MAN1A1: variants seen among roughly 807,000 people sequenced by gnomAD.
MAN1A1 encodes the protein mannosyl-oligosaccharide 1,2-alpha-mannosidase IA.
In MAN1A1, 29 loss-of-function variants were observed where a neutral mutation model predicts 70.8. That is an observed-to-expected ratio of 0.41 (90% CI 0.31 to 0.56). The LOEUF is 0.56. Among genes scored for constraint, MAN1A1 ranks in the 20% least tolerant of loss-of-function variants. MAN1A1 has a pLI of 0.29. For missense variants in MAN1A1, 747 were observed against 841.3 expected (o/e 0.89, Z 1.39); for synonymous variants, 349 against 330.1 (o/e 1.06, Z -0.62).
intron 2 of MAN1A1, among the ~76,000 whole-genome samples, chr6:119,324,992 T>G (rs1773108147): frequency 6.6e-6 from 1 of 152,154 alleles, no homozygotes; most frequent in Non-Finnish European, 1.5e-5. Flanking sequence ...CACTGGCAAA[T>G]GTACCCTGGG....
chr6:119,189,963 A>G lies in MAN1A1; in HGVS notation c.1327-80T>C, dbSNP rs950676911. On this transcript the variant is annotated intron_variant, in intron 9 of 12. Coordinates refer to ENST00000368468, the MANE Select transcript of MAN1A1 (RefSeq NM_005907.4). The stretch of plus-strand genomic sequence containing the variant: ...AAAAATATGCCCAACATTAAAAAAA[A>G]AAGAATAGAATACACCTGACAATCA... The G allele has an allele frequency of 8.3e-6, 9 of 1,087,118 alleles. No individual in the cohort carries two copies. In the Admixed American group the frequency reaches 1.2e-4, roughly 14 times the overall value. 67.3% of individuals were successfully genotyped at this position (1,087,118 alleles called of 1,614,324 possible).
intron 5 of MAN1A1, among the ~76,000 whole-genome samples, chr6:119,266,141 TAGATAGA>T (rs1388156339): frequency 2.0e-5 from 3 of 152,188 alleles, no homozygotes; most frequent in Non-Finnish European, 4.4e-5. Flanking sequence ...TCCATGTTTA[TAGATAGA>T]AGATTGAATA....
At chr6:119,241,930 A>G (rs13206799) in intron 6 of MAN1A1, among the ~76,000 whole-genome samples, 6 of 137,456 alleles carry the variant, frequency 4.4e-5, no homozygotes, top group African/African-American at 8.6e-5. Context: ...GTGTTTGTGT[A>G]TGTGTGTGTG....
At chr6:119,341,534 T>C (rs1454982249) in intron 2 of MAN1A1, among the ~76,000 whole-genome samples, 1 of 152,186 alleles carries the variant, frequency 6.6e-6, no homozygotes. Flanking sequence ...TTATTTCTCA[T>C]GTGTAAAATG....
At chr6:119,232,584 T>C (rs1008509108) in intron 6 of MAN1A1, among the ~76,000 whole-genome samples, 1 of 152,086 alleles carries the variant, frequency 6.6e-6, no homozygotes, top group East Asian at 1.9e-4. Flanking sequence ...TTCCAAACTA[T>C]TTCAAAAGGA....
intron 3 of MAN1A1, among the ~76,000 whole-genome samples, chr6:119,302,530 T>C (rs375944497): frequency 5.3e-5 from 8 of 152,004 alleles, no homozygotes; most frequent in African/African-American, 1.7e-4. Flanking sequence ...TATAGGCGCA[T>C]GCCACCACGC....
At chr6:119,243,382 T>G (rs1379941018) in intron 6 of MAN1A1, among the ~76,000 whole-genome samples, 7 of 152,022 alleles carry the variant, frequency 4.6e-5, no homozygotes, top group South Asian at 2.1e-4. Flanking sequence ...GTTAGCAAAT[T>G]TAATAATGCA....
At chr6:119,270,950 G>C (rs915816093) in intron 5 of MAN1A1, among the ~76,000 whole-genome samples, 1 of 152,094 alleles carries the variant, frequency 6.6e-6, no homozygotes, top group Admixed American at 6.5e-5. Flanking sequence ...TTCCTTGAAC[G>C]ACTTCTCTAC....
intron 6 of MAN1A1, among the ~76,000 whole-genome samples, chr6:119,240,805 T>C (rs1486595914): frequency 6.6e-6 from 1 of 152,232 alleles, no homozygotes; most frequent in Non-Finnish European, 1.5e-5. Context: ...CCACTTGCAA[T>C]AAATAAATGT....
At chr6:119,208,748 T>C (rs921320365) in intron 6 of MAN1A1, among the ~76,000 whole-genome samples, 2 of 152,164 alleles carry the variant, frequency 1.3e-5, no homozygotes, top group Admixed American at 6.5e-5. Flanking sequence ...AGTTGGAGGA[T>C]TGCTCTGGAT....
In MAN1A1 at chr6:119,339,894, T is replaced by G. The variant is rs568492281; in HGVS notation, c.603+8569A>C. Among the ~76,000 whole-genome samples the G allele has an allele frequency of 1.1e-4, 17 of 152,206 alleles. No homozygotes were observed. In the South Asian group the frequency reaches 3.3e-3, roughly 30 times the overall value. On this transcript the variant is annotated intron_variant, in intron 2 of 12. Coordinates refer to ENST00000368468, the MANE Select transcript of MAN1A1 (RefSeq NM_005907.4). ...TCACTTGAGATCAGGAATTTGAGAC[T>G]AGCCTGGCCAATGTGGGGAAACCTT... is the stretch of plus-strand genomic sequence containing the variant.
intron 5 of MAN1A1, among the ~76,000 whole-genome samples, chr6:119,249,483 A>G (rs1775260404): frequency 6.6e-6 from 1 of 152,150 alleles, no homozygotes; most frequent in Admixed American, 6.5e-5. Context: ...CCTCTCCTTT[A>G]AGCCGTATGA....
intron 6 of MAN1A1, among the ~76,000 whole-genome samples, chr6:119,239,094 G>C (rs1384530467): frequency 6.6e-6 from 1 of 151,942 alleles, no homozygotes; most frequent in Non-Finnish European, 1.5e-5. Flanking sequence ...GTTTCACCGT[G>C]GTCTCGATCT....
chr6:119,277,762 C>T (rs1776110103), intron 5 of MAN1A1, among the ~76,000 whole-genome samples: 1 of 151,430 alleles, frequency 6.6e-6, no homozygotes, highest in Non-Finnish European at 1.5e-5. Flanking sequence ...CGGGGAAAAC[C>T]CGTCTCTACT....
chr6:119,334,449 C>A (rs1036163975), intron 2 of MAN1A1, among the ~76,000 whole-genome samples: 1 of 152,134 alleles, frequency 6.6e-6, no homozygotes, highest in East Asian at 1.9e-4. Context: ...CTTAAGTGTA[C>A]CTCGTATGTT....
chr6:119,335,684 G>A (rs1377402515), intron 2 of MAN1A1, among the ~76,000 whole-genome samples: 3 of 152,232 alleles, frequency 2.0e-5, no homozygotes, highest in South Asian at 4.1e-4. Context: ...AGTGAAGGTT[G>A]AGAGTGTAGA....
intron 5 of MAN1A1, among the ~76,000 whole-genome samples, chr6:119,272,482 T>C (rs777626695): frequency 1.3e-4 from 20 of 152,230 alleles, no homozygotes; most frequent in Non-Finnish European, 2.8e-4. Context: ...TTAGATCCTG[T>C]AGGAATAGAC....
chr6:119,336,314 C>CGAGG (rs1773449272), intron 2 of MAN1A1, among the ~76,000 whole-genome samples: 1 of 152,184 alleles, frequency 6.6e-6, no homozygotes. Flanking sequence ...AAGTGATCCT[C>CGAGG]CCTTCGGCCT....
chr6:119,286,164 T>C (rs1452960153), intron 5 of MAN1A1, among the ~76,000 whole-genome samples: 1 of 152,190 alleles, frequency 6.6e-6, no homozygotes, highest in African/African-American at 2.4e-5. Flanking sequence ...ATGGGTAGTC[T>C]GGGAGATGAC....
Sources: allele counts gnomAD v4.1 joint callset (sites outside exome capture counted in the v4.1 genomes callset), GRCh38; gene constraint gnomAD v4.1.1; transcripts MANE v1.5; gene names NCBI Gene and HGNC (gene_info 2026-07-23, HGNC 2026-07-21).